The following CNBD1 variants were observed in gnomAD, a reference collection of about 807,000 sequenced individuals.
The protein encoded by CNBD1 is cyclic nucleotide-binding domain-containing protein 1.
In CNBD1, 71 loss-of-function variants were observed where a neutral mutation model predicts 54.4. The observed-to-expected ratio is 1.30, with a 90% CI of 1.08 to 1.59. The LOEUF (loss-of-function observed/expected upper bound fraction) is 1.59, where lower values mean the gene tolerates loss of function less well. CNBD1 is among the 40% of genes most tolerant of loss of function. The pLI is 0.00. For synonymous variants in CNBD1, 182 were observed against 170.7 expected (o/e 1.07, Z -0.51); for missense variants, 659 against 518.0 (o/e 1.27, Z -2.64).
At chr8:87,424,126 C>T (rs1306862613) in intron 2 of CNBD1, among the ~76,000 whole-genome samples, 1 of 151,946 alleles carries the variant, frequency 6.6e-6, no homozygotes, top group Non-Finnish European at 1.5e-5. Flanking sequence ...GGTGATATCC[C>T]CTTTATCATT....
At chr8:86,921,018 C>T (rs1467621881) in intron 3 of CNBD1, among the ~76,000 whole-genome samples, 2 of 152,014 alleles carry the variant, frequency 1.3e-5, no homozygotes, top group East Asian at 3.9e-4. Context: ...GATGAAGCAA[C>T]TGAAAACCTA....
intron 3 of CNBD1, among the ~76,000 whole-genome samples, chr8:86,932,149 G>A (rs2130406430): frequency 6.6e-6 from 1 of 152,292 alleles, no homozygotes; most frequent in East Asian, 1.9e-4. Flanking sequence ...TTAAAGGCCA[G>A]GGTTTGATCT....
rs141678967 is a variant in CNBD1, at chr8:87,093,186, A to G, written c.432-112807A>G. Among the ~76,000 whole-genome samples the G allele has an allele frequency of 7.9e-5, 12 of 152,358 alleles. No homozygotes were observed. The East Asian group carries it at 2.3e-3, about 29-fold the overall frequency. ...AATGGCTAATTCTTGCAGGAAATGC[A>G]ATAAAGGATCCCTGAGTCTTTCCAT... On this transcript the variant is annotated intron_variant, in intron 4 of 10. Coordinates refer to ENST00000518476, the MANE Select transcript of CNBD1 (RefSeq NM_173538.3).
At chr8:87,298,839 G>A (rs1404948967) in intron 8 of CNBD1, among the ~76,000 whole-genome samples, 2 of 152,094 alleles carry the variant, frequency 1.3e-5, no homozygotes, top group African/African-American at 2.4e-5. Context: ...GGAAAAATCA[G>A]CATTTATTGA....
chr8:87,403,956 C>T (rs1390285022), intron 2 of CNBD1, among the ~76,000 whole-genome samples: 1 of 151,986 alleles, frequency 6.6e-6, no homozygotes, highest in Non-Finnish European at 1.5e-5. Flanking sequence ...AGTAAATAAC[C>T]ATGATTTATT....
chr8:87,340,335 T>C (rs1400022850), intron 8 of CNBD1, among the ~76,000 whole-genome samples: 1 of 152,244 alleles, frequency 6.6e-6, no homozygotes, highest in Non-Finnish European at 1.5e-5. Flanking sequence ...ACAATTTGCC[T>C]ATCAAAATCA....
intron 6 of CNBD1, among the ~76,000 whole-genome samples, chr8:87,281,118 A>C (rs17704343): frequency 0.042 from 6,422 of 151,696 alleles, 191 homozygotes; most frequent in Non-Finnish European, 0.064. Context: ...GGATATAACA[A>C]CTGTAATCAT....
intron 4 of CNBD1, among the ~76,000 whole-genome samples, chr8:86,943,365 C>CAAAAAAAAA (rs1158061860): frequency 9.5e-4 from 31 of 32,558 alleles, no homozygotes; most frequent in East Asian, 1.3e-3. Flanking sequence ...GACTCCATCT[C>CAAAAAAAAA]AAAAAAAAAA....
At chr8:87,152,209 G>T (rs1384836191) in intron 4 of CNBD1, among the ~76,000 whole-genome samples, 2 of 152,028 alleles carry the variant, frequency 1.3e-5, no homozygotes, top group Non-Finnish European at 2.9e-5. Context: ...GTTGACTATG[G>T]TATTGATGGA....
intron 10 of CNBD1, among the ~76,000 whole-genome samples, chr8:87,380,861 A>G (rs1811058691): frequency 6.6e-6 from 1 of 152,054 alleles, no homozygotes; most frequent in South Asian, 2.1e-4. Flanking sequence ...ATAAAATTGG[A>G]CCCTTACCTT....
chr8:87,081,961 T>C (rs191791198), intron 4 of CNBD1, among the ~76,000 whole-genome samples: 1 of 152,348 alleles, frequency 6.6e-6, no homozygotes, highest in African/African-American at 2.4e-5. Context: ...GTTCTATCAG[T>C]TTTTGCTTCG....
intron 6 of CNBD1, among the ~76,000 whole-genome samples, chr8:87,264,069 C>G (rs913548515): frequency 6.6e-6 from 1 of 151,994 alleles, no homozygotes; most frequent in African/African-American, 2.4e-5. Flanking sequence ...CATATGTATA[C>G]ATGTGCCATG....
At chr8:87,293,373 G>A (rs1487619722) in intron 8 of CNBD1, among the ~76,000 whole-genome samples, 7 of 151,910 alleles carry the variant, frequency 4.6e-5, no homozygotes, top group Non-Finnish European at 7.4e-5. Context: ...ATGAAACCAC[G>A]TCTCTGCTAA....
chr8:86,937,184 A>G (rs7835840), intron 3 of CNBD1, among the ~76,000 whole-genome samples: 144,009 of 152,266 alleles, frequency 0.95, 68,202 homozygotes, highest in East Asian at 1. Flanking sequence ...CAAAGACAGA[A>G]CTTGTGTAGG....
At position 87,336,021 on chromosome 8, in the gene CNBD1, G is replaced by A. The variant is rs145568548; in HGVS notation, c.1043-15664G>A. 5.4e-4 allele frequency among the ~76,000 whole-genome samples: 82 copies of A among 152,238 alleles called. 1 individual carries two copies. The highest frequency in any genetic ancestry group is 1.6e-3 in the African/African-American group (67 of 41,530). ...CTTTTATTTAAGAATGTTGAATATTGGCCCCACTCTCTTCTGGCTTGTAGG... is the reference window on the plus strand; with the variant it reads ...CTTTTATTTAAGAATGTTGAATATTAGCCCCACTCTCTTCTGGCTTGTAGG... On this transcript the variant is annotated intron_variant, in intron 8 of 10. Coordinates refer to ENST00000518476, the MANE Select transcript of CNBD1 (RefSeq NM_173538.3).
At chr8:87,160,439 T>C (rs908526501) in intron 4 of CNBD1, among the ~76,000 whole-genome samples, 2 of 152,112 alleles carry the variant, frequency 1.3e-5, no homozygotes, top group South Asian at 2.1e-4. Context: ...GAAAAACTGG[T>C]ATATAGAAAT....
At chr8:87,219,279 A>G (rs1464627284) in intron 5 of CNBD1, among the ~76,000 whole-genome samples, 1 of 152,046 alleles carries the variant, frequency 6.6e-6, no homozygotes, top group East Asian at 1.9e-4. Context: ...AACTACAATA[A>G]GTATTATAAA....
At chr8:86,909,374 A>T (rs1809066385) in intron 3 of CNBD1, among the ~76,000 whole-genome samples, 1 of 152,128 alleles carries the variant, frequency 6.6e-6, no homozygotes, top group African/African-American at 2.4e-5. Flanking sequence ...TGATATTTTC[A>T]TTTACTTTTT....
chr8:87,333,100 A>G (rs963609351), intron 8 of CNBD1, among the ~76,000 whole-genome samples: 2 of 151,790 alleles, frequency 1.3e-5, no homozygotes, highest in Non-Finnish European at 2.9e-5. Context: ...CCCTTGTTAG[A>G]TGTATCTCTA....
Sources: gnomAD v4.1 joint callset for allele counts (sites outside exome capture counted in the v4.1 genomes callset) on GRCh38, gnomAD v4.1.1 for gene constraint, MANE v1.5 for transcripts, NCBI Gene and HGNC (gene_info 2026-07-23, HGNC 2026-07-21) for gene names.